Variants in CREG2 observed in about 807,000 individuals in gnomAD.
The protein encoded by CREG2 is cellular repressor of E1A stimulated genes 2.
In CREG2, 24 loss-of-function variants were observed where a neutral mutation model predicts 26.2. The ratio of observed to expected loss-of-function variants is 0.92; its 90% CI spans 0.66 to 1.29. The LOEUF is 1.29. Ranked by LOEUF, CREG2 falls within the 50% of genes most tolerant of loss-of-function variation. The probability of loss-of-function intolerance (pLI) is 0.00; values close to 1 mark genes in which losing one functional copy is unlikely to be tolerated. For missense variants in CREG2, 366 were observed against 398.6 expected, an observed-to-expected ratio of 0.92 and a Z score of 0.70; for synonymous variants, 174 against 169.2, an observed-to-expected ratio of 1.03 and a Z score of -0.22.
At chr2:101,359,286 C>T (rs1355015608) in intron 2 of CREG2, among the ~76,000 whole-genome samples, 1 of 152,200 alleles carries the variant, frequency 6.6e-6, no homozygotes, top group East Asian at 1.9e-4. Flanking sequence ...TTGGGGTGGG[C>T]TGTCTGCATG....
At chr2:101,379,439 A>G (rs1684837439) in intron 2 of CREG2, among the ~76,000 whole-genome samples, 1 of 152,136 alleles carries the variant, frequency 6.6e-6, no homozygotes, top group African/African-American at 2.4e-5. Flanking sequence ...TCTGCTGAGC[A>G]TTTTCTTCAT....
chr2:101,353,298 A>G (rs57999368), intron 3 of CREG2, among the ~76,000 whole-genome samples: 3,562 of 152,234 alleles, frequency 0.023, 137 homozygotes, highest in African/African-American at 0.079. Flanking sequence ...TTTTGTTGCA[A>G]TTGCTTTTGG....
chr2:101,372,385 A>G (rs1034230337), intron 2 of CREG2, among the ~76,000 whole-genome samples: 2 of 152,208 alleles, frequency 1.3e-5, no homozygotes, highest in Non-Finnish European at 2.9e-5. Flanking sequence ...CAGTATGCTT[A>G]ATTGAATTGA....
chr2:101,386,718 C>T (rs1356522176), intron 1 of CREG2, among the ~76,000 whole-genome samples: 3 of 151,886 alleles, frequency 2.0e-5, no homozygotes, highest in Non-Finnish European at 4.4e-5. Context: ...CTCGGTCGGA[C>T]GCTGGTTAGG....
rs1233594256 is a variant in CREG2 at position 101,350,638 on chromosome 2, G to A, written c.*285C>T. 1.4e-5 allele frequency: 4 copies of A among 278,942 alleles called. No homozygotes were observed. In the South Asian group the frequency reaches 3.5e-4, roughly 25 times the overall value. 17.3% of individuals were successfully genotyped at this position (278,942 alleles called of 1,614,324 possible). ...AACAATGATCTCAACATGTCATTTT[G>A]ACCACCAGCTATTATATGATTTCTG... On this transcript the variant is annotated 3_prime_UTR_variant, in exon 4 of 4. Coordinates refer to ENST00000324768, the MANE Select transcript of CREG2 (RefSeq NM_153836.4).
chr2:101,378,482 TCTA>T (rs1470536671), intron 2 of CREG2, among the ~76,000 whole-genome samples: 1 of 152,218 alleles, frequency 6.6e-6, no homozygotes, highest in African/African-American at 2.4e-5. Flanking sequence ...AAGTCACTCT[TCTA>T]CTCTAAATTT....
intron 1 of CREG2, among the ~76,000 whole-genome samples, chr2:101,384,444 G>A (rs1009499307): frequency 1.3e-5 from 2 of 152,132 alleles, no homozygotes; most frequent in Admixed American, 1.3e-4. Context: ...TCTGATCCCC[G>A]GTGTTGGAGG....
chr2:101,387,418 TCCCCGGCCGCGCCGGC>T lies in CREG2; in HGVS notation c.24_39del (p.Arg11SerfsTer18). 1 of 869,930 alleles carries T rather than the reference TCCCCGGCCGCGCCGGC, an allele frequency of 1.1e-6. No individual in the cohort carries two copies. Among genetic ancestry groups the T allele is most frequent in the Non-Finnish European group, 1.4e-6 (1 of 702,586 alleles). The allele number at this position is 869,930 out of a possible 1,614,324, so 53.9% of individuals were successfully genotyped here. ...CAGCACAGCAGCCAGGAGAGGCGGGTCCCCGGCCGCGCCGGCCGCCGGCCGCGGCGCACGGACATCT... is the reference window on the plus strand; with the variant it reads ...CAGCACAGCAGCCAGGAGAGGCGGGTCGCCGGCCGCGGCGCACGGACATCT... On this transcript the variant is annotated frameshift_variant, in exon 1 of 4. Coordinates refer to ENST00000324768, the MANE Select transcript of CREG2 (RefSeq NM_153836.4). LOFTEE classifies it high-confidence loss of function. The surrounding 1 kb of genome is among the most constrained non-coding windows in gnomAD (Gnocchi z 4.7).
At position 101,387,145 on chromosome 2, in the gene CREG2, A is replaced by T; in HGVS notation, c.313T>A (p.Ser105Thr). The T allele has an allele frequency of 8.0e-7, 1 of 1,257,480 alleles. No individual in the cohort carries two copies. The highest frequency in any genetic ancestry group is 3.1e-5 in the South Asian group (1 of 31,968). 77.9% of individuals were successfully genotyped at this position (1,257,480 alleles called of 1,614,324 possible). The change falls in exon 1 of 4, where the codon TCC (serine) becomes ACC (threonine). Residue 105 changes from serine to threonine, a missense_variant. Physicochemically the swap from Ser to Thr is moderately conservative, Grantham distance 58. Coordinates refer to ENST00000324768, the MANE Select transcript of CREG2 (RefSeq NM_153836.4). This position sits in a 1 kb window ranked among gnomAD's most constrained non-coding sequence, Gnocchi z 4.7. ...GTCTGGCCGCCCTCGCGCCGGTAGG[A>T]GAACATCCCGGGTGGCGCGGGGGGC... is the stretch of plus-strand genomic sequence containing the variant. ...RPPPAPPGMF[S>T]YRREGGQTAS...
intron 2 of CREG2, among the ~76,000 whole-genome samples, chr2:101,369,312 C>G (rs1445258911): frequency 1.3e-5 from 2 of 151,944 alleles, no homozygotes; most frequent in Admixed American, 6.6e-5. Context: ...GCCCTGCAGA[C>G]TGGGTGGGGG....
chr2:101,382,789 TACATTTAGGTGGAGTG>T, intron 2 of CREG2: 2 of 985,448 alleles, frequency 2.0e-6, no homozygotes, highest in Non-Finnish European at 2.4e-6. Context: ...AAAGCATCAC[TACATTTAGGTGGAGTG>T]ACTAAGGTCC....
In CREG2 at chr2:101,369,037, G is replaced by T. The variant is rs535752317; in HGVS notation, c.612-13671C>A. Among the ~76,000 whole-genome samples, 4 of 152,332 alleles carry T rather than the reference G, an allele frequency of 2.6e-5. No homozygotes were observed. In the South Asian group the frequency reaches 6.2e-4, roughly 24 times the overall value. On this transcript the variant is annotated intron_variant, in intron 2 of 3. Coordinates refer to ENST00000324768, the MANE Select transcript of CREG2 (RefSeq NM_153836.4). ...TCCGAGGCTGGAACTGTGCCGGGGT[G>T]GGCCATTTAGGCTTCGCAGGATATG...
chr2:101,362,236 TG>T (rs1166575957), intron 2 of CREG2, among the ~76,000 whole-genome samples: 3 of 152,016 alleles, frequency 2.0e-5, no homozygotes, highest in Non-Finnish European at 2.9e-5. Flanking sequence ...GATCCGTACC[TG>T]GGGGGCAGCC....
In CREG2 at chr2:101,350,934, T is replaced by G; in HGVS notation, c.862A>C (p.Arg288=). The change falls in exon 4 of 4, where the codon AGA becomes CGA. Residue 288 remains arginine (R), a synonymous_variant. Transcript: ENST00000324768. ...SREEYFKAVP[R]KA ...TTCTTCTCACTCCATCAGGCCTTTC[T>G]GGGAACTGCTTTGAAATATTCCTCC... is the stretch of plus-strand genomic sequence containing the variant. The G allele has an allele frequency of 6.2e-7, 1 of 1,614,186 alleles. No homozygotes were observed. Among genetic ancestry groups the G allele is most frequent in the Non-Finnish European group, 8.5e-7 (1 of 1,180,020 alleles).
At chr2:101,353,047 T>C (rs1684406404) in intron 3 of CREG2, among the ~76,000 whole-genome samples, 1 of 152,226 alleles carries the variant, frequency 6.6e-6, no homozygotes, top group South Asian at 2.1e-4. Context: ...CTGTTGTCTG[T>C]AGTTAGGTAG....
chr2:101,379,182 G>A lies in CREG2; in HGVS notation c.611+4351C>T, dbSNP rs553793145. Among the ~76,000 whole-genome samples the A allele has an allele frequency of 9.2e-5, 14 of 152,200 alleles. No individual in the cohort carries two copies. In the East Asian group the frequency reaches 1.7e-3, roughly 19 times the overall value. Reference sequence around the variant, plus strand: ...CTGGGGTGGGAGTCAGGACAACTGCGTCCCATTAAATCTAGGAACTTTATT... The same window carrying A: ...CTGGGGTGGGAGTCAGGACAACTGCATCCCATTAAATCTAGGAACTTTATT... On this transcript the variant is annotated intron_variant, in intron 2 of 3. Transcript: ENST00000324768.
At chr2:101,374,107 C>T (rs1299540476) in intron 2 of CREG2, among the ~76,000 whole-genome samples, 2 of 152,212 alleles carry the variant, frequency 1.3e-5, no homozygotes, top group Non-Finnish European at 2.9e-5. Flanking sequence ...TTTAAAAGAG[C>T]TATCCGCCAG....
At chr2:101,367,638 C>G (rs908100202) in intron 2 of CREG2, among the ~76,000 whole-genome samples, 1 of 152,134 alleles carries the variant, frequency 6.6e-6, no homozygotes, top group East Asian at 1.9e-4. Context: ...TCCTAATCCC[C>G]GGAATGTGTG....
intron 2 of CREG2, among the ~76,000 whole-genome samples, chr2:101,361,472 T>C (rs887546140): frequency 6.6e-6 from 1 of 152,186 alleles, no homozygotes; most frequent in African/African-American, 2.4e-5. Context: ...AAGACCTGCC[T>C]GGCCATGGCT....
Sources: gnomAD v4.1 joint callset for allele counts (sites outside exome capture counted in the v4.1 genomes callset) on GRCh38, gnomAD v4.1.1 for gene constraint, Gnocchi (gnomAD v3.1) non-coding constraint, MANE v1.5 for transcripts, NCBI Gene and HGNC (gene_info 2026-07-23, HGNC 2026-07-21) for gene names.